PKMYT1: variants seen among roughly 807,000 people sequenced by gnomAD.
PKMYT1 encodes the protein membrane-associated tyrosine- and threonine-specific cdc2-inhibitory kinase.
In PKMYT1, 35 loss-of-function variants were observed where a neutral mutation model predicts 49.7. The ratio of observed to expected loss-of-function variants is 0.70; its 90% CI spans 0.54 to 0.93. The LOEUF (loss-of-function observed/expected upper bound fraction) is 0.93, where lower values mean the gene tolerates loss of function less well. Among genes scored for constraint, PKMYT1 ranks in the 40% least tolerant of loss-of-function variants. The pLI is 0.00. For missense variants in PKMYT1, 677 were observed against 673.1 expected (o/e 1.01, Z -0.06); for synonymous variants, 331 against 287.6 (o/e 1.15, Z -1.53).
chr16:2,972,909 G>T lies in PKMYT1; in HGVS notation c.*44C>A. 6.4e-7 allele frequency: 1 copy of T among 1,564,662 alleles called. No individual in the cohort carries two copies. Among genetic ancestry groups the T allele is most frequent in the South Asian group, 1.2e-5 (1 of 85,770 alleles). On this transcript the variant is annotated 3_prime_UTR_variant, in exon 9 of 9. Transcript: ENST00000262300. The stretch of plus-strand genomic sequence containing the variant: ...CCCAGCTTTCAAGGGCGACGGGAGA[G>T]ACACAGGATAAAAGGTTAAAAGTGC...
intron 2 of PKMYT1, among the ~76,000 whole-genome samples, chr16:2,979,017 G>C (rs1239774743): frequency 2.6e-5 from 4 of 151,468 alleles, no homozygotes; most frequent in African/African-American, 9.7e-5. Flanking sequence ...ATGTTGGTGA[G>C]GCTGGTGCAC....
rs1341896025 is a variant in PKMYT1, at chr16:2,980,436, C to G, written c.-406G>C. 6.6e-6 allele frequency: 1 copy of G among 152,306 alleles called. No homozygotes were observed. The highest frequency in any genetic ancestry group is 1.5e-5 in the Non-Finnish European group (1 of 68,088). The allele number at this position is 152,306 out of a possible 1,614,324, so 9.4% of individuals were successfully genotyped here. On this transcript the variant is annotated 5_prime_UTR_variant, in exon 1 of 9. Transcript: ENST00000262300. The stretch of plus-strand genomic sequence containing the variant: ...AGGACTCCCGTGAGGGGGAACGGCC[C>G]GTGAACGCGCGCGGAGCTGCTCGCG...
intron 1 of PKMYT1, 96 bp from the exon 2 acceptor site, chr16:2,980,008 G>A: frequency 2.9e-6 from 1 of 346,002 alleles, no homozygotes; most frequent in East Asian, 6.1e-5. Flanking sequence ...CACGGAGGAA[G>A]GACTGTCACG....
Position 2,975,723 on chromosome 16 carries a change from G to A in PKMYT1, c.468C>T (p.Ala156=), listed in dbSNP as rs755432341. 4.0e-5 allele frequency: 64 copies of A among 1,605,358 alleles called. No homozygotes were observed. Among genetic ancestry groups the A allele is most frequent in the South Asian group, 4.0e-4 (36 of 91,060 alleles). The change falls in exon 4 of 9, where the codon GCC becomes GCT. Residue 156 remains alanine (A), a synonymous_variant. Transcript: ENST00000262300. ...RGPKDRARKL[A]EVGSHEKVGQ... is the part of the protein sequence containing the mutation. ...CCACCTTCTCGTGGCTGCCCACCTC[G>A]GCCAACTTGCGGGCCCGGTCCTTGG...
At chr16:2,979,046 A>T (rs1357780270) in intron 2 of PKMYT1, among the ~76,000 whole-genome samples, 1 of 150,932 alleles carries the variant, frequency 6.6e-6, no homozygotes, top group Non-Finnish European at 1.5e-5. Context: ...TATAAAAAAC[A>T]ATAGAGCGGC....
chr16:2,974,278 C>T lies in PKMYT1; in HGVS notation c.1119G>A (p.Ala373=), dbSNP rs748108253. 28 of 1,575,736 alleles carry T rather than the reference C, an allele frequency of 1.8e-5. 1 individual carries two copies. Among genetic ancestry groups the T allele is most frequent in the East Asian group, 4.7e-5 (2 of 42,532 alleles). Residue 373 remains alanine, a synonymous_variant, in exon 6 of 9, where the codon GCG becomes GCA. Transcript: ENST00000262300. ...RAWGVLWCMA[A]EALSRGWALW... is the part of the protein sequence containing the mutation. Reference sequence around the variant, plus strand: ...GGGCCCACCCTCGGCTCAGGGCCTCCGCTGCCATGCACCACAGCACACCCC... The same window carrying T: ...GGGCCCACCCTCGGCTCAGGGCCTCTGCTGCCATGCACCACAGCACACCCC...
At chr16:2,976,452 G>A (rs1251524824) in intron 3 of PKMYT1, among the ~76,000 whole-genome samples, 1 of 152,226 alleles carries the variant, frequency 6.6e-6, no homozygotes, top group Non-Finnish European at 1.5e-5. Context: ...CTGGACAAGG[G>A]GCCAGTATGC....
At chr16:2,977,719 C>CT (rs2072236169) in intron 2 of PKMYT1, among the ~76,000 whole-genome samples, 1 of 152,200 alleles carries the variant, frequency 6.6e-6, no homozygotes, top group South Asian at 2.1e-4. Context: ...TCCTGCCCTC[C>CT]CACCTCCAGC....
At chr16:2,977,139 A>G in intron 2 of PKMYT1, 108 bp from the exon 3 acceptor site, 1 of 1,523,692 alleles carries the variant, frequency 6.6e-7, no homozygotes, top group Non-Finnish European at 8.8e-7. Context: ...TATACCACAC[A>G]CTTATTCTAC....
At chr16:2,975,267 C>G in intron 4 of PKMYT1, 52 bp downstream of exon 4, 1 of 1,523,358 alleles carries the variant, frequency 6.6e-7, no homozygotes, top group East Asian at 2.4e-5. Flanking sequence ...GCTTCCGTCC[C>G]AGGAAGGGCC....
chr16:2,977,604 C>T, intron 2 of PKMYT1: 1 of 600,234 alleles, frequency 1.7e-6, no homozygotes. Flanking sequence ...CACTGAAAGC[C>T]TCTGGGCATG....
At chr16:2,974,778 C>T (rs897158479) in intron 4 of PKMYT1, 122 bp from the exon 5 acceptor site, 11 of 654,548 alleles carry the variant, frequency 1.7e-5, no homozygotes, top group East Asian at 8.2e-5. Context: ...CAGGGAGGGG[C>T]GGAAGCAGGG....
chr16:2,973,319 G>A, intron 7 of PKMYT1, 104 bp from the exon 8 acceptor site: 1 of 1,527,676 alleles, frequency 6.5e-7, no homozygotes, highest in South Asian at 1.2e-5. Context: ...CTGACAAACA[G>A]GCAGGGAGCC....
intron 3 of PKMYT1, 67 bp from the exon 4 acceptor site, chr16:2,975,879 G>A (rs946029113): frequency 9.4e-5 from 143 of 1,521,214 alleles, no homozygotes; most frequent in Non-Finnish European, 1.2e-4. Flanking sequence ...CACATAGGGG[G>A]ACAACCTGGC....
chr16:2,974,693 T>C lies in PKMYT1; in HGVS notation c.873-37A>G, dbSNP rs761712814. ...GGGATGGGGACAGAAAGGGGCAGGG[T>C]TGGCCCTGGGACACAGACCCAGTCC... is the stretch of plus-strand genomic sequence containing the variant. On this transcript the variant is annotated intron_variant, in intron 4 of 8. Coordinates refer to ENST00000262300, the MANE Select transcript of PKMYT1 (RefSeq NM_004203.5). 44 of 1,422,036 alleles carry C rather than the reference T, an allele frequency of 3.1e-5. No individual in the cohort carries two copies. In the East Asian group the frequency reaches 8.2e-4, roughly 26 times the overall value. 88.1% of individuals were successfully genotyped at this position (1,422,036 alleles called of 1,614,324 possible).
chr16:2,973,849 G>T, intron 7 of PKMYT1, 151 bp downstream of exon 7: 1 of 870,106 alleles, frequency 1.1e-6, no homozygotes, highest in Non-Finnish European at 1.8e-6. Context: ...AGCCTGGCCA[G>T]GCCACACACC....
rs558558630 is a variant in PKMYT1, at chr16:2,979,693, G to C, written c.-36C>G. On this transcript the variant is annotated 5_prime_UTR_variant, in exon 2 of 9. Transcript: ENST00000262300. The stretch of plus-strand genomic sequence containing the variant: ...GCCCAACAGCCTCAGTGGTGGGACG[G>C]GGGAGGCAGGAGCAGGGGCTCCCAC... 6.2e-7 allele frequency: 1 copy of C among 1,613,636 alleles called. No homozygotes were observed. Among genetic ancestry groups the C allele is most frequent in the Admixed American group, 1.7e-5 (1 of 59,994 alleles).
In PKMYT1 at chr16:2,979,818, G is replaced by C; in HGVS notation, c.-161C>G. ...GCCGTCTCGCCTCACCCTCTCACCA[G>C]GCCCGACACATCTGCTGGCCACCTT... On this transcript the variant is annotated 5_prime_UTR_variant, in exon 2 of 9. Transcript: ENST00000262300. The C allele has an allele frequency of 4.0e-6, 3 of 743,724 alleles. No homozygotes were observed. The South Asian group carries it at 5.0e-5, about 12-fold the overall frequency. The allele number at this position is 743,724 out of a possible 1,614,324, so 46.1% of individuals were successfully genotyped here. A position where few individuals can be genotyped will look rare whatever the true frequency, so the allele number is the denominator to read the frequency against.
chr16:2,977,945 A>C (rs2072243426), intron 2 of PKMYT1, among the ~76,000 whole-genome samples: 2 of 152,186 alleles, frequency 1.3e-5, no homozygotes, highest in African/African-American at 4.8e-5. Context: ...CCAAGCATAG[A>C]ATAGAGGCTA....
Sources: gnomAD v4.1 joint callset for allele counts (sites outside exome capture counted in the v4.1 genomes callset) on GRCh38, gnomAD v4.1.1 for gene constraint, MANE v1.5 for transcripts, NCBI Gene and HGNC (gene_info 2026-07-23, HGNC 2026-07-21) for gene names.